CLMN: variants seen among roughly 807,000 people sequenced by gnomAD.
CLMN encodes calmin, also known as calmin (calponin-like, transmembrane).
A neutral mutation model predicts 92.7 loss-of-function variants in CLMN; 57 were observed. The ratio of observed to expected loss-of-function variants is 0.61; its 90% CI spans 0.50 to 0.77. The LOEUF is 0.77. CLMN is among the 30% of genes least tolerant of loss of function. CLMN has a pLI of 0.00. For synonymous variants in CLMN, 466 were observed against 470.6 expected, an observed-to-expected ratio of 0.99 and a Z score of 0.13; for missense variants, 1,158 against 1,237.5, an observed-to-expected ratio of 0.94 and a Z score of 0.96.
intron 1 of CLMN, among the ~76,000 whole-genome samples, chr14:95,300,032 T>C (rs557356660): frequency 1.2e-4 from 19 of 152,360 alleles, no homozygotes; most frequent in Admixed American, 9.8e-4. Flanking sequence ...CACCCCAACA[T>C]AGAGACGCCT....
intron 1 of CLMN, among the ~76,000 whole-genome samples, chr14:95,234,718 C>T (rs1433418867): frequency 2.6e-5 from 4 of 152,216 alleles, no homozygotes; most frequent in African/African-American, 9.6e-5. Context: ...CTGGCTCAGC[C>T]GCACCAGCCC....
intron 1 of CLMN, among the ~76,000 whole-genome samples, chr14:95,317,776 G>A (rs1156861234): frequency 1.3e-5 from 2 of 152,196 alleles, no homozygotes; most frequent in African/African-American, 4.8e-5. Context: ...TCTACATCTT[G>A]ATCTGGGTGG....
chr14:95,203,083 C>A lies in CLMN; in HGVS notation c.2266G>T (p.Asp756Tyr). 2.5e-6 allele frequency: 4 copies of A among 1,614,030 alleles called. No homozygotes were observed. The highest frequency in any genetic ancestry group is 2.5e-6 in the Non-Finnish European group (3 of 1,180,040). ...DPEDLKNEEM[D>Y]LEEPEGYMPD... ...ATATAGCCCTCTGGCTCTTCGAGATCCATTTCTTCATTTTTTAGATCCTCC... is the reference window on the plus strand; with the variant it reads ...ATATAGCCCTCTGGCTCTTCGAGATACATTTCTTCATTTTTTAGATCCTCC... The change falls in exon 9 of 13, where the codon GAT becomes TAT. Residue 756 changes from aspartate (D) to tyrosine (Y), a missense_variant. Transcript: ENST00000298912.
chr14:95,214,402 T>G (rs1897276273), intron 5 of CLMN, among the ~76,000 whole-genome samples: 1 of 141,564 alleles, frequency 7.1e-6, no homozygotes, highest in Non-Finnish European at 1.5e-5. Flanking sequence ...CAGGCTGGAG[T>G]GCAGTGGCAT....
chr14:95,231,133 C>T (rs1273832783), intron 1 of CLMN, among the ~76,000 whole-genome samples: 8 of 151,860 alleles, frequency 5.3e-5, no homozygotes, highest in Non-Finnish European at 8.8e-5. Context: ...TGGTGAGAAG[C>T]GAGCATCACG....
chr14:95,235,863 G>A (rs1163586097), intron 1 of CLMN, among the ~76,000 whole-genome samples: 2 of 152,152 alleles, frequency 1.3e-5, no homozygotes, highest in Admixed American at 1.3e-4. Context: ...ACACGCGCTC[G>A]CCCAGACGTT....
At chr14:95,228,126 C>A (rs1051630936) in intron 2 of CLMN, among the ~76,000 whole-genome samples, 1 of 152,086 alleles carries the variant, frequency 6.6e-6, no homozygotes, top group African/African-American at 2.4e-5. Context: ...ATATTCACCA[C>A]GTGACCCTCT....
In CLMN at chr14:95,293,173, TTCCC is replaced by T. The variant is rs1254751724; in HGVS notation, c.82+26534_82+26537del. 1.9e-3 allele frequency among the ~76,000 whole-genome samples: 173 copies of T among 90,104 alleles called. 1 individual carries two copies. Among genetic ancestry groups the T allele is most frequent in the African/African-American group, 7.3e-3 (154 of 21,112 alleles). 59.1% of individuals were successfully genotyped at this position (90,104 alleles called of 152,430 possible). A position where few individuals can be genotyped will look rare whatever the true frequency, so the allele number is the denominator to read the frequency against. On this transcript the variant is annotated intron_variant, in intron 1 of 12. Transcript: ENST00000298912. ...CTTCCCTCCTTCCCTCTCTCCTTCC[TTCCC>T]TCCCTCCCTCCTTCTTTCCCCCCCT...
rs1899175066 is a variant in CLMN at position 95,259,703 on chromosome 14, CT to C, written c.83-29571del. On this transcript the variant is annotated intron_variant, in intron 1 of 12. Transcript: ENST00000298912. The surrounding 1 kb of genome is among the most constrained non-coding windows in gnomAD (Gnocchi z 4.3). The stretch of plus-strand genomic sequence containing the variant: ...GATACCTGTTCTGAACTATGGGCAT[CT>C]GCTGTTGAGTTCACTGAGCACAAAA... 2.0e-5 allele frequency among the ~76,000 whole-genome samples: 3 copies of C among 152,170 alleles called. No homozygotes were observed. Among genetic ancestry groups the C allele is most frequent in the Non-Finnish European group, 4.4e-5 (3 of 68,024 alleles).
At chr14:95,269,951 T>C (rs1424875286) in intron 1 of CLMN, among the ~76,000 whole-genome samples, 3 of 150,674 alleles carry the variant, frequency 2.0e-5, no homozygotes, top group Non-Finnish European at 4.4e-5. Flanking sequence ...AGAGAGAAAA[T>C]TAACTTCTAC....
intron 5 of CLMN, among the ~76,000 whole-genome samples, chr14:95,215,230 G>A (rs1317612055): frequency 5.3e-5 from 8 of 152,106 alleles, no homozygotes; most frequent in South Asian, 2.1e-4. Flanking sequence ...ATAAGGTCTC[G>A]CCTGTTATTC....
intron 1 of CLMN, among the ~76,000 whole-genome samples, chr14:95,261,271 C>A (rs550410866): frequency 7.9e-5 from 12 of 151,876 alleles, no homozygotes; most frequent in Admixed American, 6.6e-4. Context: ...AGCAGAAGGC[C>A]GAGGCCCATT....
chr14:95,272,527 G>A (rs1045032351), intron 1 of CLMN, among the ~76,000 whole-genome samples: 4 of 152,228 alleles, frequency 2.6e-5, no homozygotes, highest in Admixed American at 6.5e-5. Context: ...TTCAGGCAGT[G>A]AACTCACTGG....
intron 1 of CLMN, among the ~76,000 whole-genome samples, chr14:95,310,275 C>T (rs895181263): frequency 2.0e-5 from 3 of 152,198 alleles, no homozygotes; most frequent in African/African-American, 7.2e-5. Flanking sequence ...AATGCAAAAA[C>T]GACCTAACAC....
At chr14:95,218,175 T>G (rs1595581803) in intron 4 of CLMN, among the ~76,000 whole-genome samples, 2 of 152,202 alleles carry the variant, frequency 1.3e-5, no homozygotes, top group African/African-American at 4.8e-5. Context: ...TGGGAGAAGG[T>G]GGTATCACAC....
rs369975740 is a variant in CLMN at position 95,229,890 on chromosome 14, G to A, written c.144+182C>T. ...ATGATGACCCCAGGAGGGCAGAGCC[G>A]TGTCTCAGTCATCTCTTCCCAATCC... On this transcript the variant is annotated intron_variant, in intron 2 of 12. Coordinates refer to ENST00000298912, the MANE Select transcript of CLMN (RefSeq NM_024734.4). 4.8e-3 allele frequency among the ~76,000 whole-genome samples: 737 copies of A among 152,170 alleles called. 7 individuals carry two copies. Among genetic ancestry groups the A allele is most frequent in the African/African-American group, 5.5e-3 (227 of 41,508 alleles).
chr14:95,318,197 G>C (rs1027408361), intron 1 of CLMN, among the ~76,000 whole-genome samples: 1 of 152,126 alleles, frequency 6.6e-6, no homozygotes, highest in East Asian at 1.9e-4. Flanking sequence ...AAGACAGACA[G>C]GTACACACAC....
chr14:95,250,797 G>T (rs1283864552), intron 1 of CLMN, among the ~76,000 whole-genome samples: 6 of 152,168 alleles, frequency 3.9e-5, no homozygotes, highest in Non-Finnish European at 5.9e-5. Flanking sequence ...GGGGACTAAG[G>T]CATAAACAAG....
chr14:95,314,606 T>C (rs1386123458), intron 1 of CLMN, among the ~76,000 whole-genome samples: 17 of 152,152 alleles, frequency 1.1e-4, no homozygotes, highest in African/African-American at 2.7e-4. Flanking sequence ...CACAGCGAGT[T>C]TGCAACAAAG....
Sources: allele counts gnomAD v4.1 joint callset (sites outside exome capture counted in the v4.1 genomes callset), GRCh38; gene constraint gnomAD v4.1.1; non-coding constraint Gnocchi (gnomAD v3.1); transcripts MANE v1.5; gene names NCBI Gene and HGNC (gene_info 2026-07-23, HGNC 2026-07-21).